The following GABRG3 variants were observed in gnomAD, a reference collection of about 807,000 sequenced individuals.
The protein encoded by GABRG3 is gamma-aminobutyric acid type A receptor subunit gamma3, also known as gamma-aminobutyric acid receptor subunit gamma-3.
Under a neutral mutation model 48.8 loss-of-function variants are expected in GABRG3, and 25 were observed. That is an observed-to-expected ratio of 0.51 (90% confidence interval 0.37 to 0.72). The LOEUF (loss-of-function observed/expected upper bound fraction) is 0.72, where lower values mean the gene tolerates loss of function less well. Ranked by LOEUF, GABRG3 falls within the 30% of genes least tolerant of loss-of-function variation. The probability of loss-of-function intolerance (pLI) is 0.00; values close to 1 mark genes in which losing one functional copy is unlikely to be tolerated. For synonymous variants in GABRG3, 227 were observed against 217.6 expected, an observed-to-expected ratio of 1.04 and a Z score of -0.38; for missense variants, 394 against 577.9, an observed-to-expected ratio of 0.68 and a Z score of 3.26.
chr15:27,026,446 G>C (rs1218807495), intron 2 of GABRG3, among the ~76,000 whole-genome samples: 4 of 152,164 alleles, frequency 2.6e-5, no homozygotes, highest in Admixed American at 2.0e-4. Context: ...ATAAAAATCA[G>C]CTTAAGTAAC....
chr15:27,481,812 C>T lies in GABRG3; in HGVS notation c.712+1025C>T, dbSNP rs964551559. Among the ~76,000 whole-genome samples the T allele has an allele frequency of 9.2e-5, 14 of 152,174 alleles. 1 individual carries two copies. Among genetic ancestry groups the T allele is most frequent in the African/African-American group, 3.1e-4 (13 of 41,510 alleles). ...GAACACCACAATTTATTTAAATGAA[C>T]TGTGGAGGCAGCGCAAAGGGAAACG... is the stretch of plus-strand genomic sequence containing the variant. On this transcript the variant is annotated intron_variant, in intron 6 of 9. Coordinates refer to ENST00000615808, the MANE Select transcript of GABRG3 (RefSeq NM_033223.5).
intron 6 of GABRG3, among the ~76,000 whole-genome samples, chr15:27,489,040 C>G (rs1890285138): frequency 6.6e-6 from 1 of 151,872 alleles, no homozygotes; most frequent in South Asian, 2.1e-4. Context: ...CCCCCCACCC[C>G]CCGACAGGCT....
In GABRG3 at chr15:27,125,722, G is replaced by A. The variant is rs1246577329; in HGVS notation, c.270+98901G>A. Among the ~76,000 whole-genome samples the A allele has an allele frequency of 3.3e-5, 5 of 152,226 alleles. No individual in the cohort carries two copies. The East Asian group carries it at 9.6e-4, about 29-fold the overall frequency. ...TTAGATATTAGTATTCTTTGCGGGA[G>A]CGCTGTGTCCCTGAAAGGAAGAGTA... On this transcript the variant is annotated intron_variant, in intron 3 of 9. Coordinates refer to ENST00000615808, the MANE Select transcript of GABRG3 (RefSeq NM_033223.5).
chr15:27,531,141 G>C (rs1325071197), intron 9 of GABRG3, among the ~76,000 whole-genome samples: 1 of 152,114 alleles, frequency 6.6e-6, no homozygotes, highest in African/African-American at 2.4e-5. Flanking sequence ...CAGCCGCACC[G>C]TGAGGCCCCA....
chr15:26,982,356 C>T (rs2140639272), intron 2 of GABRG3, among the ~76,000 whole-genome samples: 1 of 152,292 alleles, frequency 6.6e-6, no homozygotes, highest in East Asian at 1.9e-4. Flanking sequence ...AAGCACCTTC[C>T]TCATGGTGTC....
At chr15:27,005,103 C>A (rs1895557564) in intron 2 of GABRG3, among the ~76,000 whole-genome samples, 1 of 152,070 alleles carries the variant, frequency 6.6e-6, no homozygotes, top group Non-Finnish European at 1.5e-5. Context: ...GGTGGTATAA[C>A]AGTTTTAGAA....
At chr15:27,349,349 T>C (rs1311772197) in intron 5 of GABRG3, among the ~76,000 whole-genome samples, 2 of 152,202 alleles carry the variant, frequency 1.3e-5, no homozygotes, top group East Asian at 3.9e-4. Flanking sequence ...GGCCTGAACG[T>C]AAAATGAAGC....
chr15:27,101,863 A>AG (rs1897364965), intron 3 of GABRG3, among the ~76,000 whole-genome samples: 3 of 151,824 alleles, frequency 2.0e-5, no homozygotes, highest in African/African-American at 7.3e-5. Flanking sequence ...AAAAAAAAAA[A>AG]AAATTCTGAA....
chr15:27,339,754 T>A (rs1376621769), intron 5 of GABRG3, among the ~76,000 whole-genome samples: 1 of 152,228 alleles, frequency 6.6e-6, no homozygotes, highest in African/African-American at 2.4e-5. Flanking sequence ...ATTCCAGCTT[T>A]AGTGACGTAA....
chr15:27,534,004 A>G lies in GABRG3; in HGVS notation c.*1123A>G, dbSNP rs1005386679. ...AGGTGTGCGCTACCACACCCGGCTA[A>G]TTTTTGTATTTTTGTTTTTTGTTTT... On this transcript the variant is annotated 3_prime_UTR_variant, in exon 10 of 10. Transcript: ENST00000615808. The G allele has an allele frequency of 6.6e-6, 1 of 151,728 alleles. No individual in the cohort carries two copies. The highest frequency in any genetic ancestry group is 6.6e-5 in the Admixed American group (1 of 15,232). The allele number at this position is 151,728 out of a possible 1,614,324, so 9.4% of individuals were successfully genotyped here.
intron 3 of GABRG3, among the ~76,000 whole-genome samples, chr15:27,137,921 C>A (rs1898038106): frequency 6.6e-6 from 1 of 152,128 alleles, no homozygotes; most frequent in African/African-American, 2.4e-5. Flanking sequence ...GGGGCTGTGA[C>A]AAAGTCTTTG....
chr15:27,454,976 T>C (rs952883121), intron 5 of GABRG3, among the ~76,000 whole-genome samples: 2 of 152,244 alleles, frequency 1.3e-5, no homozygotes, highest in African/African-American at 4.8e-5. Context: ...CAGTTAGCTC[T>C]ACGTGCATTC....
rs1318845897 is a variant in GABRG3 at position 27,541,331 on chromosome 15, G to A, written c.*8450G>A. 6.6e-6 allele frequency: 1 copy of A among 152,390 alleles called. No homozygotes were observed. Among genetic ancestry groups the A allele is most frequent in the Non-Finnish European group, 1.5e-5 (1 of 68,190 alleles). The allele number at this position is 152,390 out of a possible 1,614,324, so 9.4% of individuals were successfully genotyped here. A position where few individuals can be genotyped will look rare whatever the true frequency, so the allele number is the denominator to read the frequency against. On this transcript the variant is annotated 3_prime_UTR_variant, in exon 10 of 10. Transcript: ENST00000615808. ...AGTCGTATTCGCAGGTCACAGGAAG[G>A]CGTCAGGTCAGGCTTGAAGCAGCCG...
rs961689710 is a variant in GABRG3 at position 27,256,403 on chromosome 15, T to A, written c.271-70406T>A. On this transcript the variant is annotated intron_variant, in intron 3 of 9. Coordinates refer to ENST00000615808, the MANE Select transcript of GABRG3 (RefSeq NM_033223.5). ...TTGCAGTGAGCCGAGATGGCGCCAC[T>A]GCACTCCAGCCTGGGCGACAGAGCA... Among the ~76,000 whole-genome samples the A allele has an allele frequency of 2.0e-4, 29 of 143,294 alleles. No homozygotes were observed. The Middle Eastern group carries it at 0.015, about 73-fold the overall frequency. 94.0% of individuals were successfully genotyped at this position (143,294 alleles called of 152,430 possible).
chr15:27,372,405 T>C (rs1273579895), intron 5 of GABRG3, among the ~76,000 whole-genome samples: 1 of 152,104 alleles, frequency 6.6e-6, no homozygotes, highest in Non-Finnish European at 1.5e-5. Context: ...ATTTATTTAG[T>C]TTTTAGAAAC....
intron 5 of GABRG3, among the ~76,000 whole-genome samples, chr15:27,376,468 C>G (rs1895599561): frequency 6.6e-6 from 1 of 152,348 alleles, no homozygotes; most frequent in African/African-American, 2.4e-5. Flanking sequence ...GGCCCCACCC[C>G]TACAGCAAAC....
chr15:27,011,002 T>A (rs942258630), intron 2 of GABRG3, among the ~76,000 whole-genome samples: 1 of 152,070 alleles, frequency 6.6e-6, no homozygotes, highest in East Asian at 1.9e-4. Context: ...CACACCACCA[T>A]GCCCAAGCTA....
chr15:27,313,260 GTGTATATATATATA>G (rs1367974771), intron 3 of GABRG3, among the ~76,000 whole-genome samples: 37 of 49,552 alleles, frequency 7.5e-4, no homozygotes, highest in African/African-American at 1.9e-3. Context: ...GTGTGTGTGT[GTGTATATATATATA>G]TATATATATA....
intron 3 of GABRG3, among the ~76,000 whole-genome samples, chr15:27,131,553 T>G (rs1897916624): frequency 6.6e-6 from 1 of 152,088 alleles, no homozygotes; most frequent in Admixed American, 6.5e-5. Flanking sequence ...CCTCATATAA[T>G]GAGTTTGGAA....
Sources: allele counts gnomAD v4.1 joint callset (sites outside exome capture counted in the v4.1 genomes callset), GRCh38; gene constraint gnomAD v4.1.1; transcripts MANE v1.5; gene names NCBI Gene and HGNC (gene_info 2026-07-23, HGNC 2026-07-21).